The following ACYP2 variants were observed in gnomAD, a reference collection of about 807,000 sequenced individuals.
ACYP2 encodes the protein acylphosphatase-2.
Under a neutral mutation model 11.2 loss-of-function variants are expected in ACYP2, and 12 were observed. That is an observed-to-expected ratio of 1.08 (90% CI 0.69 to 1.74). ACYP2 has a LOEUF of 1.74. ACYP2 is among the 40% of genes most tolerant of loss of function. ACYP2 has a pLI of 0.00. For synonymous variants in ACYP2, 43 were observed against 32.2 expected, an observed-to-expected ratio of 1.33 and a Z score of -1.13; for missense variants, 134 against 101.9, an observed-to-expected ratio of 1.31 and a Z score of -1.35.
intron 6 of ACYP2, among the ~76,000 whole-genome samples, chr2:54,256,632 C>T (rs1397889659): frequency 2.0e-5 from 3 of 152,078 alleles, no homozygotes; most frequent in East Asian, 1.9e-4. Flanking sequence ...CAAATATTTC[C>T]TCCCACTCTG....
chr2:54,162,055 T>C (rs956043886), intron 6 of ACYP2, among the ~76,000 whole-genome samples: 15 of 152,208 alleles, frequency 9.9e-5, no homozygotes, highest in Admixed American at 8.5e-4. Flanking sequence ...TTTTTTGTTA[T>C]TGTTCAATTG....
intron 6 of ACYP2, among the ~76,000 whole-genome samples, chr2:54,177,018 T>C (rs960729531): frequency 6.6e-6 from 1 of 152,178 alleles, no homozygotes; most frequent in Non-Finnish European, 1.5e-5. Flanking sequence ...CTCAGAATCT[T>C]TGTGCTAGGG....
At chr2:54,153,335 T>C (rs1159455140) in intron 6 of ACYP2, among the ~76,000 whole-genome samples, 1 of 152,098 alleles carries the variant, frequency 6.6e-6, no homozygotes, top group Non-Finnish European at 1.5e-5. Context: ...CATTGGATGA[T>C]GTTTCTATTT....
chr2:54,151,533 AT>A (rs1682171585), intron 6 of ACYP2, among the ~76,000 whole-genome samples: 1 of 152,168 alleles, frequency 6.6e-6, no homozygotes, highest in Non-Finnish European at 1.5e-5. Context: ...CATAGAAGGT[AT>A]TTTTTTAGGG....
At chr2:54,019,034 C>T (rs1399848086) in intron 2 of ACYP2, among the ~76,000 whole-genome samples, 1 of 151,756 alleles carries the variant, frequency 6.6e-6, no homozygotes. Flanking sequence ...CGTGTGCCAC[C>T]ATGCTTGGCC....
At chr2:54,067,246 T>A (rs1468631553) in intron 4 of ACYP2, among the ~76,000 whole-genome samples, 1 of 152,224 alleles carries the variant, frequency 6.6e-6, no homozygotes, top group Non-Finnish European at 1.5e-5. Flanking sequence ...AACAACAGTG[T>A]CAGCCATCAT....
At chr2:54,094,385 G>A (rs2103687368) in intron 4 of ACYP2, among the ~76,000 whole-genome samples, 1 of 152,080 alleles carries the variant, frequency 6.6e-6, no homozygotes, top group East Asian at 1.9e-4. Flanking sequence ...GTGCCACCAT[G>A]CCTAGCTAAT....
chr2:54,036,156 A>G (rs1398776466), intron 2 of ACYP2, among the ~76,000 whole-genome samples: 1 of 152,072 alleles, frequency 6.6e-6, no homozygotes, highest in East Asian at 1.9e-4. Context: ...GTGCGGTGGC[A>G]TGATCTTGGC....
At chr2:54,083,413 A>G (rs1677772969) in intron 4 of ACYP2, among the ~76,000 whole-genome samples, 1 of 152,230 alleles carries the variant, frequency 6.6e-6, no homozygotes, top group Non-Finnish European at 1.5e-5. Context: ...ATGACATTTT[A>G]TCTGTGAGCC....
intron 2 of ACYP2, among the ~76,000 whole-genome samples, chr2:53,989,263 A>G (rs1170328043): frequency 7.3e-6 from 1 of 137,230 alleles, no homozygotes; most frequent in Non-Finnish European, 1.5e-5. Context: ...AAAAAGTCAG[A>G]TTGGTAGACA....
At chr2:54,215,140 C>A (rs1319090761) in intron 6 of ACYP2, among the ~76,000 whole-genome samples, 1 of 152,084 alleles carries the variant, frequency 6.6e-6, no homozygotes, top group Non-Finnish European at 1.5e-5. Flanking sequence ...GATCTAGGAA[C>A]CTTTGGGCAG....
chr2:54,169,204 G>T (rs1343580269), intron 6 of ACYP2, among the ~76,000 whole-genome samples: 6 of 152,134 alleles, frequency 3.9e-5, no homozygotes, highest in African/African-American at 1.4e-4. Flanking sequence ...ATCTTCCAGG[G>T]CTAATTAGCA....
In ACYP2 at chr2:54,095,049, G is replaced by A. The variant is rs536688688; in HGVS notation, c.277+37689G>A. Among the ~76,000 whole-genome samples, 202 of 134,946 alleles carry A rather than the reference G, an allele frequency of 1.5e-3. No individual in the cohort carries two copies. The East Asian group carries it at 0.02, about 13-fold the overall frequency. 88.5% of individuals were successfully genotyped at this position (134,946 alleles called of 152,430 possible). Reference sequence around the variant, plus strand: ...GACCCTGCGGCCTTCCGCGGTGTTTGTGTCCCTGGGTACTTGAGATTAGGG... The same window carrying A: ...GACCCTGCGGCCTTCCGCGGTGTTTATGTCCCTGGGTACTTGAGATTAGGG... On this transcript the variant is annotated intron_variant, in intron 4 of 6. Coordinates refer to ENST00000607452, the MANE Select transcript of ACYP2 (RefSeq NM_001320586.2).
intron 6 of ACYP2, among the ~76,000 whole-genome samples, chr2:54,214,916 C>G (rs1005048124): frequency 2.0e-5 from 3 of 152,200 alleles, no homozygotes; most frequent in Admixed American, 2.0e-4. Context: ...TGTATCATAT[C>G]TGATGTTTTT....
At chr2:54,069,691 C>T (rs1676928036) in intron 4 of ACYP2, among the ~76,000 whole-genome samples, 1 of 151,794 alleles carries the variant, frequency 6.6e-6, no homozygotes, top group Non-Finnish European at 1.5e-5. Flanking sequence ...AAAACAAAAA[C>T]AAAACAAAGC....
chr2:54,192,093 T>C (rs371465674), intron 6 of ACYP2, among the ~76,000 whole-genome samples: 1 of 152,276 alleles, frequency 6.6e-6, no homozygotes, highest in Admixed American at 6.5e-5. Flanking sequence ...GACTCCCAAA[T>C]TTAAATCCAA....
At chr2:54,102,808 C>A (rs1160377504) in intron 4 of ACYP2, among the ~76,000 whole-genome samples, 2 of 152,134 alleles carry the variant, frequency 1.3e-5, no homozygotes, top group Non-Finnish European at 2.9e-5. Flanking sequence ...CATTCTGAGG[C>A]AGGCTTTCTC....
intron 4 of ACYP2, among the ~76,000 whole-genome samples, chr2:54,057,969 C>A (rs1259565633): frequency 1.3e-5 from 2 of 152,132 alleles, no homozygotes; most frequent in Admixed American, 1.3e-4. Flanking sequence ...ATTTTAAATT[C>A]ATATTTCATG....
rs190174067 is a variant in ACYP2, at chr2:54,012,708, G to A, written c.63-38250G>A. Among the ~76,000 whole-genome samples the A allele has an allele frequency of 2.5e-3, 373 of 152,170 alleles. 1 individual carries two copies. Among genetic ancestry groups the A allele is most frequent in the African/African-American group, 8.6e-3 (356 of 41,516 alleles). ...TTAATCCATCATCTCTGTCTGGCGCGGGTTGTTTCCCAAGCCTCCCAGTTG... is the reference window on the plus strand; with the variant it reads ...TTAATCCATCATCTCTGTCTGGCGCAGGTTGTTTCCCAAGCCTCCCAGTTG... On this transcript the variant is annotated intron_variant, in intron 2 of 6. Coordinates refer to ENST00000607452, the MANE Select transcript of ACYP2 (RefSeq NM_001320586.2).
Sources: allele counts gnomAD v4.1 joint callset (sites outside exome capture counted in the v4.1 genomes callset), GRCh38; gene constraint gnomAD v4.1.1; transcripts MANE v1.5; gene names NCBI Gene and HGNC (gene_info 2026-07-23, HGNC 2026-07-21).